Variants in VTA1 observed in about 807,000 individuals in gnomAD.
VTA1 encodes the protein vesicle trafficking 1.
Under a neutral mutation model 36.9 loss-of-function variants are expected in VTA1, and 24 were observed. That is an observed-to-expected ratio of 0.65 (90% CI 0.47 to 0.91). VTA1 has a LOEUF of 0.91. Among genes scored for constraint, VTA1 ranks in the 40% least tolerant of loss-of-function variants. The probability of loss-of-function intolerance (pLI) is 0.00; values close to 1 mark genes in which losing one functional copy is unlikely to be tolerated. For synonymous variants in VTA1, 142 were observed against 130.2 expected (o/e 1.09, Z -0.62); for missense variants, 393 against 377.2 (o/e 1.04, Z -0.35).
intron 4 of VTA1, among the ~76,000 whole-genome samples, chr6:142,186,132 T>G (rs1775334696): frequency 6.6e-6 from 1 of 152,116 alleles, no homozygotes; most frequent in African/African-American, 2.4e-5. Context: ...GCATTTGATC[T>G]GGCATATGAG....
At chr6:142,153,911 A>G (rs9496285) in intron 1 of VTA1, among the ~76,000 whole-genome samples, 35 of 152,220 alleles carry the variant, frequency 2.3e-4, no homozygotes, top group African/African-American at 7.7e-4. Flanking sequence ...CCTTTACCCA[A>G]TGTCCCCCAA....
intron 4 of VTA1, among the ~76,000 whole-genome samples, chr6:142,179,266 C>T (rs1228334399): frequency 6.6e-6 from 1 of 151,738 alleles, no homozygotes; most frequent in Non-Finnish European, 1.5e-5. Flanking sequence ...TCATACATTG[C>T]TTGATGGAGA....
intron 1 of VTA1, among the ~76,000 whole-genome samples, chr6:142,165,297 G>A (rs182150071): frequency 6.6e-6 from 1 of 152,196 alleles, no homozygotes; most frequent in African/African-American, 2.4e-5. Context: ...GTTTTGGGGG[G>A]CAGCGTAACC....
chr6:142,159,022 G>A (rs559332351), intron 1 of VTA1, among the ~76,000 whole-genome samples: 2 of 151,746 alleles, frequency 1.3e-5, no homozygotes, highest in South Asian at 4.2e-4. Flanking sequence ...TTTATATTTT[G>A]CGACATAAAT....
In VTA1 at chr6:142,223,555, C is replaced by T. The variant is rs1304950838; in HGVS notation, c.*4912C>T. The T allele has an allele frequency of 1.3e-5, 2 of 152,140 alleles. No homozygotes were observed. Among genetic ancestry groups the T allele is most frequent in the Admixed American group, 6.5e-5 (1 of 15,278 alleles). The allele number at this position is 152,140 out of a possible 1,614,324, so 9.4% of individuals were successfully genotyped here. ...CTTAGGCAAAAGCCCCTGTCTCTTACTTCATATATCAAGTTTGGAGGGAAA... is the reference window on the plus strand; with the variant it reads ...CTTAGGCAAAAGCCCCTGTCTCTTATTTCATATATCAAGTTTGGAGGGAAA... On this transcript the variant is annotated 3_prime_UTR_variant, in exon 8 of 8. Coordinates refer to ENST00000367630, the MANE Select transcript of VTA1 (RefSeq NM_016485.5).
At chr6:142,207,660 G>T (rs947011844) in intron 7 of VTA1, among the ~76,000 whole-genome samples, 1 of 151,966 alleles carries the variant, frequency 6.6e-6, no homozygotes, top group African/African-American at 2.4e-5. Flanking sequence ...GCAAATATAT[G>T]CAATAAAAAC....
intron 1 of VTA1, among the ~76,000 whole-genome samples, chr6:142,151,671 TTAAAC>T (rs1456490303): frequency 6.6e-6 from 1 of 152,244 alleles, no homozygotes; most frequent in Non-Finnish European, 1.5e-5. Flanking sequence ...GACATTCTCT[TTAAAC>T]TAAATGAGCT....
At chr6:142,173,844 G>A (rs1460777064) in intron 4 of VTA1, among the ~76,000 whole-genome samples, 1 of 152,112 alleles carries the variant, frequency 6.6e-6, no homozygotes, top group Non-Finnish European at 1.5e-5. Context: ...TGTAAATGAG[G>A]CCAGTGAGAA....
chr6:142,221,416 A>G lies in VTA1; in HGVS notation c.*2773A>G, dbSNP rs143941827. 1.6e-3 allele frequency: 244 copies of G among 152,348 alleles called. 1 individual carries two copies. Among genetic ancestry groups the G allele is most frequent in the Admixed American group, 2.8e-3 (43 of 15,292 alleles). 9.4% of individuals were successfully genotyped at this position (152,348 alleles called of 1,614,324 possible). A position where few individuals can be genotyped will look rare whatever the true frequency, so the allele number is the denominator to read the frequency against. Reference sequence around the variant, plus strand: ...CATACATGGAGGAAGAGCATTCCCAACAGGTAGACAGAAATCAGGTCAGAG... The same window carrying G: ...CATACATGGAGGAAGAGCATTCCCAGCAGGTAGACAGAAATCAGGTCAGAG... On this transcript the variant is annotated 3_prime_UTR_variant, in exon 8 of 8. Coordinates refer to ENST00000367630, the MANE Select transcript of VTA1 (RefSeq NM_016485.5).
chr6:142,179,603 C>A lies in VTA1; in HGVS notation c.411+9182C>A, dbSNP rs1051377146. Among the ~76,000 whole-genome samples, 52 of 152,050 alleles carry A rather than the reference C, an allele frequency of 3.4e-4. 1 individual carries two copies. The highest frequency in any genetic ancestry group is 3.2e-3 in the Middle Eastern group (1 of 316). ...GAGCAAAAAAAGAGCCGGAAGTATA[C>A]AAACTATATGATTCCCTTCATATAC... is the stretch of plus-strand genomic sequence containing the variant. On this transcript the variant is annotated intron_variant, in intron 4 of 7. Coordinates refer to ENST00000367630, the MANE Select transcript of VTA1 (RefSeq NM_016485.5).
intron 1 of VTA1, among the ~76,000 whole-genome samples, chr6:142,161,086 C>G (rs1229734027): frequency 1.4e-5 from 2 of 144,526 alleles, no homozygotes; most frequent in South Asian, 4.5e-4. Flanking sequence ...CTTCCCCCCC[C>G]CCCCTTTTTT....
intron 7 of VTA1, among the ~76,000 whole-genome samples, chr6:142,207,071 G>A (rs1775809133): frequency 6.6e-6 from 1 of 152,050 alleles, no homozygotes; most frequent in Non-Finnish European, 1.5e-5. Context: ...ACAGCACTGA[G>A]ATTGACACCA....
At chr6:142,160,193 A>G (rs1471811879) in intron 1 of VTA1, among the ~76,000 whole-genome samples, 1 of 152,128 alleles carries the variant, frequency 6.6e-6, no homozygotes, top group Non-Finnish European at 1.5e-5. Context: ...TTTTCAGGGT[A>G]GGTCTAAAGT....
Position 142,218,973 on chromosome 6 carries a change from G to A in VTA1, c.*330G>A, listed in dbSNP as rs1320629681. ...TAAGCTTTGTATTTACATACATTAG[G>A]GGAATTTTTTAAAATCTGTAATGTT... On this transcript the variant is annotated 3_prime_UTR_variant, in exon 8 of 8. Coordinates refer to ENST00000367630, the MANE Select transcript of VTA1 (RefSeq NM_016485.5). The A allele has an allele frequency of 6.0e-6, 1 of 165,522 alleles. No homozygotes were observed. The highest frequency in any genetic ancestry group is 2.4e-5 in the African/African-American group (1 of 42,014). 10.3% of individuals were successfully genotyped at this position (165,522 alleles called of 1,614,324 possible).
intron 1 of VTA1, among the ~76,000 whole-genome samples, chr6:142,158,983 G>T (rs1774716344): frequency 6.6e-6 from 1 of 151,878 alleles, no homozygotes; most frequent in African/African-American, 2.4e-5. Flanking sequence ...CTCTTTTAAA[G>T]AAATTTATAA....
chr6:142,210,149 G>A (rs1490747041), intron 7 of VTA1, among the ~76,000 whole-genome samples: 4 of 152,026 alleles, frequency 2.6e-5, no homozygotes, highest in Admixed American at 1.3e-4. Context: ...CAAAGATGCC[G>A]AGAACATACA....
In VTA1 at chr6:142,223,630, G is replaced by C. The variant is rs188737408; in HGVS notation, c.*4987G>C. On this transcript the variant is annotated 3_prime_UTR_variant, in exon 8 of 8. Transcript: ENST00000367630. ...ATGAATATAACTTAATGGGGAACTG[G>C]CTTCAGAGTTCAGCAATATTGGGAA... 4.4e-4 allele frequency: 67 copies of C among 152,180 alleles called. No homozygotes were observed. Among genetic ancestry groups the C allele is most frequent in the African/African-American group, 1.3e-3 (53 of 41,534 alleles). The allele number at this position is 152,180 out of a possible 1,614,324, so 9.4% of individuals were successfully genotyped here. A position where few individuals can be genotyped will look rare whatever the true frequency, so the allele number is the denominator to read the frequency against.
chr6:142,155,581 T>G (rs2114630708), intron 1 of VTA1, among the ~76,000 whole-genome samples: 1 of 152,334 alleles, frequency 6.6e-6, no homozygotes, highest in East Asian at 1.9e-4. Flanking sequence ...TGAAGAAATC[T>G]TTGTCTTCAG....
rs1776111750 is a variant in VTA1, at chr6:142,221,621, GGTAA to G, written c.*2984_*2987del. The G allele has an allele frequency of 6.6e-6, 1 of 151,930 alleles. No homozygotes were observed. The highest frequency in any genetic ancestry group is 1.5e-5 in the Non-Finnish European group (1 of 67,982). 9.4% of individuals were successfully genotyped at this position (151,930 alleles called of 1,614,324 possible). A position where few individuals can be genotyped will look rare whatever the true frequency, so the allele number is the denominator to read the frequency against. On this transcript the variant is annotated 3_prime_UTR_variant, in exon 8 of 8. Coordinates refer to ENST00000367630, the MANE Select transcript of VTA1 (RefSeq NM_016485.5). ...GTTGAGAATAGACCGTAAGGTGGGT[GGTAA>G]GTAAGGGAGGAAGCTGGGAGACCAG...
Sources: gnomAD v4.1 joint callset for allele counts (sites outside exome capture counted in the v4.1 genomes callset) on GRCh38, gnomAD v4.1.1 for gene constraint, MANE v1.5 for transcripts, NCBI Gene and HGNC (gene_info 2026-07-23, HGNC 2026-07-21) for gene names.